The following ASCC3 variants were observed in gnomAD, a reference collection of about 807,000 sequenced individuals.
ASCC3 encodes the protein activating signal cointegrator 1 complex subunit 3, also known as ASC-1 complex subunit P200.
In ASCC3, 158 loss-of-function variants were observed where a neutral mutation model predicts 256.3. The observed-to-expected ratio is 0.62, with a 90% confidence interval of 0.54 to 0.70. The LOEUF (loss-of-function observed/expected upper bound fraction) is 0.70, where lower values mean the gene tolerates loss of function less well. Among genes scored for constraint, ASCC3 ranks in the 30% least tolerant of loss-of-function variants. The pLI is 0.00. For missense variants in ASCC3, 2,259 were observed against 2,626.0 expected (o/e 0.86, Z 3.05); for synonymous variants, 948 against 883.4 (o/e 1.07, Z -1.30).
intron 33 of ASCC3, among the ~76,000 whole-genome samples, chr6:100,603,954 T>C (rs917663508): frequency 6.6e-6 from 1 of 152,078 alleles, no homozygotes; most frequent in Non-Finnish European, 1.5e-5. Flanking sequence ...TAAAACAAGC[T>C]GGCAAGTATT....
chr6:100,723,215 T>C (rs143662954), intron 11 of ASCC3, among the ~76,000 whole-genome samples: 10 of 151,884 alleles, frequency 6.6e-5, no homozygotes, highest in Admixed American at 3.3e-4. Context: ...ATTATTTTTC[T>C]TATAGAAACC....
At chr6:100,602,038 A>G (rs1048232197) in intron 33 of ASCC3, 103 bp from the exon 34 acceptor site, 8 of 1,308,306 alleles carry the variant, frequency 6.1e-6, no homozygotes, top group Non-Finnish European at 8.5e-6. Context: ...TCTAAGATAA[A>G]AACAAATTTG....
chr6:100,610,924 C>G (rs56332765), intron 30 of ASCC3, among the ~76,000 whole-genome samples: 1 of 152,110 alleles, frequency 6.6e-6, no homozygotes, highest in Non-Finnish European at 1.5e-5. Flanking sequence ...TCACTGGTGT[C>G]CTTGTTCTAA....
intron 37 of ASCC3, among the ~76,000 whole-genome samples, chr6:100,535,201 A>G (rs979902588): frequency 1.3e-5 from 2 of 152,168 alleles, no homozygotes; most frequent in East Asian, 1.9e-4. Flanking sequence ...GATCATGCTG[A>G]TGTCCCATGA....
intron 8 of ASCC3, among the ~76,000 whole-genome samples, chr6:100,773,519 T>G (rs1016223048): frequency 6.6e-6 from 1 of 152,176 alleles, no homozygotes; most frequent in African/African-American, 2.4e-5. Context: ...TACTTCTTTG[T>G]GCTTCAGCAT....
intron 8 of ASCC3, among the ~76,000 whole-genome samples, chr6:100,782,151 A>C (rs144546295): frequency 1.3e-5 from 2 of 152,170 alleles, no homozygotes; most frequent in Non-Finnish European, 2.9e-5. Flanking sequence ...TCTACTATAC[A>C]TAACAGAGTT....
chr6:100,748,281 T>C (rs1780778851), intron 10 of ASCC3, among the ~76,000 whole-genome samples: 1 of 151,972 alleles, frequency 6.6e-6, no homozygotes, highest in Non-Finnish European at 1.5e-5. Flanking sequence ...AGTCAATACT[T>C]TGGGGCTATG....
intron 8 of ASCC3, among the ~76,000 whole-genome samples, chr6:100,773,193 T>C (rs1490336176): frequency 6.6e-6 from 1 of 152,182 alleles, no homozygotes; most frequent in Non-Finnish European, 1.5e-5. Context: ...TCATATACTA[T>C]AAACCATACA....
chr6:100,626,181 G>A (rs947824141), intron 29 of ASCC3, among the ~76,000 whole-genome samples: 1 of 151,842 alleles, frequency 6.6e-6, no homozygotes, highest in African/African-American at 2.4e-5. Flanking sequence ...CTTTACATAG[G>A]CTCCAAAAAG....
intron 16 of ASCC3, among the ~76,000 whole-genome samples, chr6:100,657,115 A>C (rs1216547505): frequency 1.3e-5 from 2 of 151,224 alleles, no homozygotes; most frequent in African/African-American, 2.4e-5. Flanking sequence ...GTAATCTATA[A>C]TTTTCATTAT....
chr6:100,715,302 C>T (rs1779039218), intron 13 of ASCC3, 160 bp downstream of exon 13: 1 of 617,768 alleles, frequency 1.6e-6, no homozygotes, highest in Admixed American at 2.8e-5. Context: ...ATGACTTACC[C>T]ATTGGGCTAA....
chr6:100,653,109 A>G (rs927339540), intron 17 of ASCC3, among the ~76,000 whole-genome samples: 10 of 152,274 alleles, frequency 6.6e-5, no homozygotes, highest in African/African-American at 1.9e-4. Flanking sequence ...ATCAATGTGC[A>G]TATTCTTTTC....
chr6:100,746,701 T>C (rs1300912313), intron 10 of ASCC3, among the ~76,000 whole-genome samples: 1 of 152,118 alleles, frequency 6.6e-6, no homozygotes, highest in Non-Finnish European at 1.5e-5. Context: ...GAAAACCACA[T>C]GGGATTCATA....
At chr6:100,754,206 AATT>A (rs1312504644) in intron 10 of ASCC3, among the ~76,000 whole-genome samples, 2 of 152,216 alleles carry the variant, frequency 1.3e-5, no homozygotes, top group Non-Finnish European at 2.9e-5. Flanking sequence ...TATAACAAGA[AATT>A]ATAAGTGTTG....
intron 10 of ASCC3, among the ~76,000 whole-genome samples, chr6:100,749,574 G>GC (rs1246182257): frequency 2.0e-5 from 3 of 151,874 alleles, no homozygotes; most frequent in African/African-American, 7.2e-5. Flanking sequence ...GTAAAACTAT[G>GC]CAACAACATA....
rs539716102 is a variant in ASCC3, at chr6:100,590,676, G to A, written c.5304-617C>T. On this transcript the variant is annotated intron_variant, in intron 34 of 41. Coordinates refer to ENST00000369162, the MANE Select transcript of ASCC3 (RefSeq NM_006828.4). ...TCATCCCTAAGACCCCATCATGATGGTTTTACATCTGTACAGGACTAGGAA... is the reference window on the plus strand; with the variant it reads ...TCATCCCTAAGACCCCATCATGATGATTTTACATCTGTACAGGACTAGGAA... 2.7e-4 allele frequency among the ~76,000 whole-genome samples: 41 copies of A among 152,166 alleles called. No homozygotes were observed. In the South Asian group the frequency reaches 8.3e-3, roughly 31 times the overall value.
At chr6:100,684,054 G>A (rs1777439875) in intron 13 of ASCC3, among the ~76,000 whole-genome samples, 1 of 152,036 alleles carries the variant, frequency 6.6e-6, no homozygotes, top group African/African-American at 2.4e-5. Flanking sequence ...AATTAATAAA[G>A]GAGTAAAAGC....
chr6:100,644,888 A>G (rs577863795), intron 22 of ASCC3, among the ~76,000 whole-genome samples: 1 of 152,352 alleles, frequency 6.6e-6, no homozygotes, highest in African/African-American at 2.4e-5. Context: ...TCCTGAAAAC[A>G]TTTGAGAAGT....
intron 10 of ASCC3, among the ~76,000 whole-genome samples, chr6:100,750,796 T>C (rs574921034): frequency 6.6e-6 from 1 of 152,130 alleles, no homozygotes; most frequent in South Asian, 2.1e-4. Flanking sequence ...GTAAAATCTG[T>C]AGTACAGATT....
Sources: allele counts gnomAD v4.1 joint callset (sites outside exome capture counted in the v4.1 genomes callset), GRCh38; gene constraint gnomAD v4.1.1; transcripts MANE v1.5; gene names NCBI Gene and HGNC (gene_info 2026-07-23, HGNC 2026-07-21).